Variants in CNTNAP3B observed in about 807,000 individuals in gnomAD.
The protein encoded by CNTNAP3B is contactin-associated protein-like 3B.
In CNTNAP3B, 25 loss-of-function variants were observed where a neutral mutation model predicts 108.9. The ratio of observed to expected loss-of-function variants is 0.23; its 90% CI spans 0.17 to 0.32. The LOEUF (loss-of-function observed/expected upper bound fraction) is 0.32, where lower values mean the gene tolerates loss of function less well. Among genes scored for constraint, CNTNAP3B ranks in the 10% least tolerant of loss-of-function variants. The pLI is 1.00. For synonymous variants in CNTNAP3B, 103 were observed against 473.4 expected (o/e 0.22, Z 10.16); for missense variants, 252 against 1,210.4 (o/e 0.21, Z 11.75).
At chr9:42,107,447 CT>C (rs2118705455) in intron 1 of CNTNAP3B, among the ~76,000 whole-genome samples, 1 of 112,362 alleles carries the variant, frequency 8.9e-6, no homozygotes, top group East Asian at 2.9e-4. Flanking sequence ...AATAGTTATT[CT>C]TTCCCTTGGT....
chr9:41,962,845 C>T (rs1483054711), intron 11 of CNTNAP3B, among the ~76,000 whole-genome samples: 6 of 152,156 alleles, frequency 3.9e-5, no homozygotes, highest in Non-Finnish European at 8.8e-5. Flanking sequence ...GTCCCAGGTA[C>T]TCGGGAGGCT....
At position 41,960,903 on chromosome 9, in the gene CNTNAP3B, A is replaced by G. The variant is rs1382703401; in HGVS notation, c.1757-11T>C. The G allele has an allele frequency of 6.2e-7, 1 of 1,610,254 alleles. No homozygotes were observed. Among genetic ancestry groups the G allele is most frequent in the East Asian group, 2.2e-5 (1 of 44,886 alleles). ...ACTGCTCGTAGAGAGCTGTAGGAGA[A>G]CACCAGCCATAAGAACCAGAAAAAA... is the stretch of plus-strand genomic sequence containing the variant. On this transcript the variant is annotated splice_polypyrimidine_tract_variant and intron_variant, in intron 11 of 23. Transcript: ENST00000377561.
At chr9:41,942,454 G>T (rs1157052570) in intron 13 of CNTNAP3B, among the ~76,000 whole-genome samples, 31 of 151,668 alleles carry the variant, frequency 2.0e-4, no homozygotes, top group Admixed American at 2.0e-3. Flanking sequence ...ACTAAAAATA[G>T]AAAAAAATTA....
At chr9:42,035,817 C>A (rs1826614094) in intron 3 of CNTNAP3B, among the ~76,000 whole-genome samples, 2 of 148,548 alleles carry the variant, frequency 1.3e-5, no homozygotes, top group Non-Finnish European at 3.0e-5. Context: ...GCCACTATGC[C>A]CAGCTAATTT....
intron 14 of CNTNAP3B, among the ~76,000 whole-genome samples, chr9:41,935,957 A>G (rs541435243): frequency 2.6e-5 from 4 of 152,390 alleles, no homozygotes; most frequent in Admixed American, 2.6e-4. Context: ...AGTTCATGGG[A>G]GGGTCACTCA....
chr9:42,072,983 G>A lies in CNTNAP3B; in HGVS notation c.390+3886C>T, dbSNP rs189895779. ...ACATTAAGCAGAGTAACTAAAAAAT[G>A]CAAATAGCCCCAAAGTCAGTACATT... is the stretch of plus-strand genomic sequence containing the variant. On this transcript the variant is annotated intron_variant, in intron 3 of 23. Coordinates refer to ENST00000377561, the MANE Select transcript of CNTNAP3B (RefSeq NM_001201380.3). Among the ~76,000 whole-genome samples the A allele has an allele frequency of 6.4e-3, 896 of 139,736 alleles. 133 individuals carry two copies. Among genetic ancestry groups the A allele is most frequent in the Non-Finnish European group, 9.7e-3 (634 of 65,106 alleles). 91.7% of individuals were successfully genotyped at this position (139,736 alleles called of 152,430 possible). A position where few individuals can be genotyped will look rare whatever the true frequency, so the allele number is the denominator to read the frequency against.
intron 15 of CNTNAP3B, among the ~76,000 whole-genome samples, chr9:41,928,458 A>G (rs1293971961): frequency 2.4e-3 from 363 of 151,584 alleles, no homozygotes; most frequent in African/African-American, 8.5e-3. Flanking sequence ...GTGAGTACAC[A>G]TCGATAGTGA....
At position 42,047,477 on chromosome 9, in the gene CNTNAP3B, A is replaced by G. The variant is rs1475074351; in HGVS notation, c.390+29392T>C. ...AAATTAAAAATTAAATTTTAAAATG[A>G]CATAGCAAATTATAAATAGAAAGAA... On this transcript the variant is annotated intron_variant, in intron 3 of 23. Transcript: ENST00000377561. Among the ~76,000 whole-genome samples, 4 of 114,716 alleles carry G rather than the reference A, an allele frequency of 3.5e-5. No individual in the cohort carries two copies. In the East Asian group the frequency reaches 1.2e-3, roughly 33 times the overall value. 75.3% of individuals were successfully genotyped at this position (114,716 alleles called of 152,430 possible).
At chr9:41,964,436 T>A in intron 11 of CNTNAP3B, 102 bp downstream of exon 11, 1 of 1,388,148 alleles carries the variant, frequency 7.2e-7, no homozygotes, top group Non-Finnish European at 9.6e-7. Flanking sequence ...TCTCTTCTGA[T>A]GTGTTTGCAT....
intron 13 of CNTNAP3B, among the ~76,000 whole-genome samples, chr9:41,945,591 G>T (rs1200208979): frequency 6.6e-6 from 1 of 152,312 alleles, no homozygotes. Flanking sequence ...ACAGGAAGGG[G>T]AACATCACAC....
chr9:42,089,729 TG>T (rs1827777770), intron 2 of CNTNAP3B, among the ~76,000 whole-genome samples: 1 of 147,616 alleles, frequency 6.8e-6, no homozygotes, highest in Non-Finnish European at 1.5e-5. Context: ...ATCTGAATAG[TG>T]GAGAAATATG....
chr9:42,024,785 A>G (rs1826387554), intron 3 of CNTNAP3B, among the ~76,000 whole-genome samples: 1 of 145,738 alleles, frequency 6.9e-6, no homozygotes, highest in Non-Finnish European at 1.5e-5. Flanking sequence ...AATTTTGCAC[A>G]CTAGTTTGCA....
chr9:41,947,927 G>A (rs1824571505), intron 13 of CNTNAP3B, among the ~76,000 whole-genome samples: 1 of 151,720 alleles, frequency 6.6e-6, no homozygotes, highest in Admixed American at 6.6e-5. Flanking sequence ...CAGATTAATG[G>A]ACAAATTTCT....
intron 2 of CNTNAP3B, among the ~76,000 whole-genome samples, chr9:42,095,824 C>A (rs1718481857): frequency 1.5e-5 from 2 of 136,646 alleles, no homozygotes; most frequent in Admixed American, 7.3e-5. Context: ...ACTCTGGTCT[C>A]TTCTGGCTTT....
chr9:42,103,830 C>T (rs1587274533), intron 2 of CNTNAP3B, among the ~76,000 whole-genome samples: 1 of 70,492 alleles, frequency 1.4e-5, no homozygotes, highest in Admixed American at 1.7e-4. Context: ...TATATGCCTA[C>T]AAATACATTT....
chr9:42,003,798 TA>T (rs1291935031), intron 4 of CNTNAP3B, among the ~76,000 whole-genome samples: 3 of 132,672 alleles, frequency 2.3e-5, no homozygotes, highest in African/African-American at 9.1e-5. Flanking sequence ...CTACTAAAAA[TA>T]CAAAAAAATC....
At chr9:42,046,860 C>T in intron 3 of CNTNAP3B, among the ~76,000 whole-genome samples, 1 of 91,630 alleles carries the variant, frequency 1.1e-5, no homozygotes, top group African/African-American at 4.1e-5. Flanking sequence ...AGATGTTTTC[C>T]TACTCTGTCT....
intron 13 of CNTNAP3B, among the ~76,000 whole-genome samples, chr9:41,952,101 C>A (rs959900984): frequency 2.0e-5 from 3 of 152,240 alleles, no homozygotes; most frequent in African/African-American, 7.2e-5. Flanking sequence ...CTGGCATATT[C>A]CAGGGGCTGA....
At chr9:42,121,103 G>A (rs1305368531) in intron 1 of CNTNAP3B, among the ~76,000 whole-genome samples, 1 of 138,582 alleles carries the variant, frequency 7.2e-6, no homozygotes. Context: ...CCAGGAGTTA[G>A]CACCCCAAGG....
Sources: gnomAD v4.1 joint callset for allele counts (sites outside exome capture counted in the v4.1 genomes callset) on GRCh38, gnomAD v4.1.1 for gene constraint, MANE v1.5 for transcripts, NCBI Gene and HGNC (gene_info 2026-07-23, HGNC 2026-07-21) for gene names.